PPP1R13B: variants seen among roughly 807,000 people sequenced by gnomAD.
PPP1R13B encodes apoptosis-stimulating of p53 protein 1.
In PPP1R13B, 44 loss-of-function variants were observed where a neutral mutation model predicts 119.8. That is an observed-to-expected ratio of 0.37 (90% CI 0.29 to 0.47). The LOEUF is 0.47. PPP1R13B is among the 20% of genes least tolerant of loss of function. The pLI, the probability that PPP1R13B is intolerant of heterozygous loss-of-function variation, is 0.99. For synonymous variants in PPP1R13B, 542 were observed against 561.5 expected, an observed-to-expected ratio of 0.97 and a Z score of 0.49; for missense variants, 1,227 against 1,413.5, an observed-to-expected ratio of 0.87 and a Z score of 2.12.
At chr14:103,815,074 T>C (rs183311701) in intron 1 of PPP1R13B, among the ~76,000 whole-genome samples, 18 of 152,348 alleles carry the variant, frequency 1.2e-4, no homozygotes, top group African/African-American at 4.1e-4. Flanking sequence ...CAAAATGTGG[T>C]ATACCCATAC....
In PPP1R13B at chr14:103,738,595, T is replaced by A; in HGVS notation, c.2864+84A>T. 6.4e-7 allele frequency: 1 copy of A among 1,566,618 alleles called. No homozygotes were observed. Among genetic ancestry groups the A allele is most frequent in the Non-Finnish European group, 8.7e-7 (1 of 1,147,274 alleles). ...TTGCTCTAATTCTCTCTTCCGTGCT[T>A]CCTAATTGTCTAGAACACGCCTGTT... On this transcript the variant is annotated intron_variant, in intron 14 of 16. Coordinates refer to ENST00000202556, the MANE Select transcript of PPP1R13B (RefSeq NM_015316.3). This position sits in a 1 kb window ranked among gnomAD's most constrained non-coding sequence, Gnocchi z 5.6.
chr14:103,845,237 G>GACAC (rs1555449637), intron 1 of PPP1R13B, among the ~76,000 whole-genome samples: 2 of 151,502 alleles, frequency 1.3e-5, no homozygotes, highest in African/African-American at 4.9e-5. Flanking sequence ...TACATTTTTG[G>GACAC]ATAGTTTAAA....
At chr14:103,778,233 G>T (rs2085255027) in intron 4 of PPP1R13B, among the ~76,000 whole-genome samples, 1 of 146,650 alleles carries the variant, frequency 6.8e-6, no homozygotes, top group Non-Finnish European at 1.5e-5. Flanking sequence ...GGATTTACAG[G>T]CATGAGCCAC....
intron 1 of PPP1R13B, among the ~76,000 whole-genome samples, chr14:103,798,220 C>T (rs971382810): frequency 2.8e-5 from 4 of 144,374 alleles, no homozygotes; most frequent in South Asian, 2.1e-4. Flanking sequence ...GGCGCGATCT[C>T]GGCTCACTGC....
chr14:103,812,039 G>A (rs1390179237), intron 1 of PPP1R13B, among the ~76,000 whole-genome samples: 1 of 106,912 alleles, frequency 9.4e-6, no homozygotes, highest in Non-Finnish European at 1.7e-5. Flanking sequence ...CACCCTGGGC[G>A]ACAGAGCCAG....
intron 1 of PPP1R13B, among the ~76,000 whole-genome samples, chr14:103,821,426 T>G (rs981650530): frequency 2.6e-5 from 4 of 152,132 alleles, no homozygotes; most frequent in East Asian, 1.9e-4. Context: ...AGACCCAAAA[T>G]TGACACAGGA....
chr14:103,818,282 C>T (rs933083920), intron 1 of PPP1R13B, among the ~76,000 whole-genome samples: 18 of 152,312 alleles, frequency 1.2e-4, no homozygotes, highest in African/African-American at 3.8e-4. Context: ...TGGGTCTGCT[C>T]AGATACCAGA....
At chr14:103,754,720 G>A (rs181384845) in intron 5 of PPP1R13B, among the ~76,000 whole-genome samples, 100 of 152,032 alleles carry the variant, frequency 6.6e-4, no homozygotes, top group Middle Eastern at 3.4e-3. Flanking sequence ...ATTACTGGGC[G>A]TACCTAAGTA....
intron 1 of PPP1R13B, among the ~76,000 whole-genome samples, chr14:103,827,608 G>A (rs865885649): frequency 4.7e-5 from 7 of 147,524 alleles, no homozygotes; most frequent in African/African-American, 1.5e-4. Flanking sequence ...TATGATATAT[G>A]GTATATATAA....
At chr14:103,787,176 TG>T (rs925757539) in intron 2 of PPP1R13B, among the ~76,000 whole-genome samples, 13 of 151,680 alleles carry the variant, frequency 8.6e-5, no homozygotes, top group Non-Finnish European at 1.5e-4. Flanking sequence ...AGGTTGGGCG[TG>T]GTAGTTCACG....
intron 2 of PPP1R13B, among the ~76,000 whole-genome samples, chr14:103,796,757 G>A (rs1382139491): frequency 6.6e-6 from 1 of 151,984 alleles, no homozygotes; most frequent in Non-Finnish European, 1.5e-5. Context: ...AGGAGTTCAA[G>A]ACCAGCCTGG....
At chr14:103,848,202 C>G, upstream of PPP1R13B, 2 of 976,444 alleles carry the variant, frequency 2.0e-6, no homozygotes, top group Non-Finnish European at 2.4e-6. Context: ...CACCAGCTCC[C>G]GAGCCTTGGC....
chr14:103,810,926 T>TAA (rs35556963), intron 1 of PPP1R13B, among the ~76,000 whole-genome samples: 33 of 133,208 alleles, frequency 2.5e-4, no homozygotes, highest in East Asian at 1.5e-3. Flanking sequence ...CCGTCTCTAC[T>TAA]AAAAAAAAAA....
chr14:103,807,319 T>C (rs1274738235), intron 1 of PPP1R13B, among the ~76,000 whole-genome samples: 3 of 152,160 alleles, frequency 2.0e-5, no homozygotes, highest in Non-Finnish European at 4.4e-5. Flanking sequence ...GTATTTCTGC[T>C]TAGCACTCAA....
chr14:103,831,560 C>T (rs1395947760), intron 1 of PPP1R13B, among the ~76,000 whole-genome samples: 1 of 151,254 alleles, frequency 6.6e-6, no homozygotes, highest in Non-Finnish European at 1.5e-5. Context: ...ATCCACCCGC[C>T]TCAGCCTCCC....
chr14:103,741,679 G>T, intron 11 of PPP1R13B, 111 bp downstream of exon 11: 1 of 1,341,772 alleles, frequency 7.5e-7, no homozygotes, highest in Non-Finnish European at 1.0e-6. Flanking sequence ...TAAGAATTAA[G>T]TTTAATCCTA....
At chr14:103,765,093 T>C (rs11627258) in intron 4 of PPP1R13B, among the ~76,000 whole-genome samples, 88,209 of 152,144 alleles carry the variant, frequency 0.58, 27,540 homozygotes, top group African/African-American at 0.84. Context: ...GCTGGGATTA[T>C]AGGCGTGAGC....
Position 103,741,830 on chromosome 14 carries a change from C to T in PPP1R13B, c.1782G>A (p.Gln594=), listed in dbSNP as rs1363921655. ...TATTTAAGGCGCTGTGTGCTGCCGGCTGGTAATTCTTAGGTGGTGTGGCTT... is the reference window on the plus strand; with the variant it reads ...TATTTAAGGCGCTGTGTGCTGCCGGTTGGTAATTCTTAGGTGGTGTGGCTT... ...LQQATPPKNY[Q]PAAHSALNKS... The change falls in exon 11 of 17, where the codon CAG becomes CAA. Residue 594 remains glutamine (Q), a synonymous_variant. Coordinates refer to ENST00000202556, the MANE Select transcript of PPP1R13B (RefSeq NM_015316.3). The T allele has an allele frequency of 2.5e-6, 4 of 1,614,204 alleles. No individual in the cohort carries two copies. Among genetic ancestry groups the T allele is most frequent in the South Asian group, 1.1e-5 (1 of 91,084 alleles).
At chr14:103,799,241 C>G (rs2085835969) in intron 1 of PPP1R13B, among the ~76,000 whole-genome samples, 3 of 152,076 alleles carry the variant, frequency 2.0e-5, no homozygotes, top group Admixed American at 2.0e-4. Context: ...TGCAGTGGCG[C>G]AATCTCGGCT....
Sources: allele counts gnomAD v4.1 joint callset (sites outside exome capture counted in the v4.1 genomes callset), GRCh38; gene constraint gnomAD v4.1.1; non-coding constraint Gnocchi (gnomAD v3.1); transcripts MANE v1.5; gene names NCBI Gene and HGNC (gene_info 2026-07-23, HGNC 2026-07-21).